CTNND2: variants seen among roughly 807,000 people sequenced by gnomAD.
CTNND2 encodes the protein catenin delta-2.
In CTNND2, 22 loss-of-function variants were observed where a neutral mutation model predicts 144.4. That is an observed-to-expected ratio of 0.15 (90% CI 0.11 to 0.22). CTNND2 has a LOEUF of 0.22. Ranked by LOEUF, CTNND2 falls within the 10% of genes least tolerant of loss-of-function variation. CTNND2 has a pLI of 1.00. For synonymous variants in CTNND2, 751 were observed against 695.6 expected, an observed-to-expected ratio of 1.08 and a Z score of -1.25; for missense variants, 1,353 against 1,618.8, an observed-to-expected ratio of 0.84 and a Z score of 2.82.
intron 3 of CTNND2, among the ~76,000 whole-genome samples, chr5:11,464,869 T>G (rs1766518912): frequency 6.6e-6 from 1 of 152,196 alleles, no homozygotes. Flanking sequence ...CATGATGGAT[T>G]TGATGTGGGT....
chr5:11,278,513 C>T (rs1746788791), intron 9 of CTNND2, among the ~76,000 whole-genome samples: 1 of 151,970 alleles, frequency 6.6e-6, no homozygotes, highest in African/African-American at 2.4e-5. Context: ...ACAAAAATGA[C>T]ATAGGAAAAG....
intron 10 of CTNND2, among the ~76,000 whole-genome samples, chr5:11,231,970 G>A (rs555397708): frequency 6.6e-6 from 1 of 152,370 alleles, no homozygotes; most frequent in Non-Finnish European, 1.5e-5. Flanking sequence ...GCTAATAGGG[G>A]CCAAGGTACA....
chr5:11,029,736 A>G (rs1158087327), intron 16 of CTNND2, among the ~76,000 whole-genome samples: 1 of 152,234 alleles, frequency 6.6e-6, no homozygotes, highest in Non-Finnish European at 1.5e-5. Flanking sequence ...TAGCCTTTAA[A>G]CTAGTAATTG....
chr5:11,606,872 T>C (rs1780076325), intron 2 of CTNND2, among the ~76,000 whole-genome samples: 1 of 152,154 alleles, frequency 6.6e-6, no homozygotes, highest in Admixed American at 6.6e-5. Context: ...TTGTATTCCC[T>C]CCAGAACATA....
intron 1 of CTNND2, among the ~76,000 whole-genome samples, chr5:11,774,283 T>C (rs1235652915): frequency 3.3e-5 from 5 of 151,780 alleles, no homozygotes; most frequent in Non-Finnish European, 7.4e-5. Context: ...ACAAAGGACA[T>C]GAACTCATCA....
intron 2 of CTNND2, among the ~76,000 whole-genome samples, chr5:11,717,323 C>A (rs1786409043): frequency 6.6e-6 from 1 of 151,816 alleles, no homozygotes; most frequent in Non-Finnish European, 1.5e-5. Flanking sequence ...CCTGTAATCC[C>A]AGCACTTTGG....
intron 3 of CTNND2, among the ~76,000 whole-genome samples, chr5:11,505,853 G>A (rs1770977645): frequency 6.6e-6 from 1 of 152,148 alleles, no homozygotes; most frequent in African/African-American, 2.4e-5. Flanking sequence ...ATTTTCTGGA[G>A]TAATGACGCA....
chr5:11,033,769 G>T (rs6883508), intron 16 of CTNND2, among the ~76,000 whole-genome samples: 27,990 of 152,108 alleles, frequency 0.18, 5,038 homozygotes, highest in East Asian at 0.57. Flanking sequence ...GGCAGAGGTT[G>T]CAGTGAGCTG....
chr5:11,245,773 C>T (rs528564475), intron 9 of CTNND2, among the ~76,000 whole-genome samples: 33 of 152,274 alleles, frequency 2.2e-4, no homozygotes, highest in African/African-American at 5.3e-4. Flanking sequence ...CCCCAGGACA[C>T]GGCCCTTTTA....
chr5:11,467,968 C>G (rs1323082531), intron 3 of CTNND2, among the ~76,000 whole-genome samples: 1 of 152,208 alleles, frequency 6.6e-6, no homozygotes, highest in Admixed American at 6.5e-5. Flanking sequence ...AGATATCGTA[C>G]TGTTCTTCCT....
intron 6 of CTNND2, among the ~76,000 whole-genome samples, chr5:11,388,091 T>C (rs1162999879): frequency 1.3e-5 from 2 of 152,216 alleles, no homozygotes; most frequent in African/African-American, 4.8e-5. Context: ...TTAGATATTA[T>C]AGGATCTTGG....
intron 9 of CTNND2, among the ~76,000 whole-genome samples, chr5:11,287,198 G>A (rs764935120): frequency 2.6e-5 from 4 of 152,128 alleles, no homozygotes; most frequent in Admixed American, 6.5e-5. Context: ...TTTTGTGAAG[G>A]TATTCTCTTA....
chr5:11,859,721 C>T (rs966735923), intron 1 of CTNND2, among the ~76,000 whole-genome samples: 14 of 152,202 alleles, frequency 9.2e-5, no homozygotes, highest in African/African-American at 2.7e-4. Flanking sequence ...GCCTTTGTCT[C>T]AATACTCTCT....
chr5:11,229,515 C>T (rs1311238059), intron 10 of CTNND2, among the ~76,000 whole-genome samples: 2 of 151,888 alleles, frequency 1.3e-5, no homozygotes, highest in Non-Finnish European at 2.9e-5. Context: ...AGAAACAGGC[C>T]TTGTCTCTAA....
chr5:11,417,710 T>G (rs1762035553), intron 3 of CTNND2, among the ~76,000 whole-genome samples: 1 of 152,138 alleles, frequency 6.6e-6, no homozygotes, highest in Non-Finnish European at 1.5e-5. Flanking sequence ...GAAAGTAAAT[T>G]AGTGAAACAC....
At chr5:11,499,643 G>A (rs1197058964) in intron 3 of CTNND2, among the ~76,000 whole-genome samples, 1 of 152,126 alleles carries the variant, frequency 6.6e-6, no homozygotes, top group African/African-American at 2.4e-5. Flanking sequence ...CCATTATCCT[G>A]ATTAATAGCA....
At chr5:11,741,364 T>C (rs1581805527) in intron 1 of CTNND2, among the ~76,000 whole-genome samples, 1 of 152,156 alleles carries the variant, frequency 6.6e-6, no homozygotes, top group Non-Finnish European at 1.5e-5. Flanking sequence ...GTGGCACATA[T>C]ACACCATGGA....
At chr5:11,231,012 C>T (rs1561058666) in intron 10 of CTNND2, among the ~76,000 whole-genome samples, 1 of 151,812 alleles carries the variant, frequency 6.6e-6, no homozygotes, top group Admixed American at 6.6e-5. Flanking sequence ...CCCCATGTGT[C>T]AAGGGCAGGA....
chr5:11,558,053 G>C (rs1776370322), intron 3 of CTNND2, among the ~76,000 whole-genome samples: 1 of 152,192 alleles, frequency 6.6e-6, no homozygotes, highest in Non-Finnish European at 1.5e-5. Context: ...AAAGGGGGAG[G>C]TGACTGAAAT....
Sources: gnomAD v4.1 joint callset for allele counts (sites outside exome capture counted in the v4.1 genomes callset) on GRCh38, gnomAD v4.1.1 for gene constraint, MANE v1.5 for transcripts, NCBI Gene and HGNC (gene_info 2026-07-23, HGNC 2026-07-21) for gene names.